ZBTB25: variants seen among roughly 807,000 people sequenced by gnomAD.
ZBTB25 encodes zinc finger and BTB domain-containing protein 25.
Under a neutral mutation model 34.2 loss-of-function variants are expected in ZBTB25, and 20 were observed. The observed-to-expected ratio is 0.58, with a 90% CI of 0.41 to 0.85. The LOEUF is 0.85. Among genes scored for constraint, ZBTB25 ranks in the 40% least tolerant of loss-of-function variants. ZBTB25 has a pLI of 0.00. For synonymous variants in ZBTB25, 175 were observed against 186.4 expected (o/e 0.94, Z 0.50); for missense variants, 437 against 521.8 (o/e 0.84, Z 1.58).
chr14:64,449,190 A>G (rs912638161), exon 3 of ZBTB25: 1 of 536,322 alleles, frequency 1.9e-6, no homozygotes, highest in East Asian at 3.4e-5. Context: ...TCTGAGTCTC[A>G]TAACGTCCCA....
chr14:64,485,817 G>C lies in ZBTB25; in HGVS notation c.*1106C>G. On this transcript the variant is annotated 3_prime_UTR_variant, in exon 3 of 3. Coordinates refer to ENST00000608382, the MANE Select transcript of ZBTB25 (RefSeq NM_006977.5). Reference sequence around the variant, plus strand: ...TCTCTTTCAACTCATGTAAACCTCTGGTCATAAAATCTCAAATTACTTTTT... The same window carrying C: ...TCTCTTTCAACTCATGTAAACCTCTCGTCATAAAATCTCAAATTACTTTTT... The C allele has an allele frequency of 1.0e-6, 1 of 985,188 alleles. No homozygotes were observed. The highest frequency in any genetic ancestry group is 1.7e-5 in the African/African-American group (1 of 57,276). The allele number at this position is 985,188 out of a possible 1,614,324, so 61.0% of individuals were successfully genotyped here.
intron 1 of ZBTB25, among the ~76,000 whole-genome samples, chr14:64,495,466 G>C (rs2079237887): frequency 6.6e-6 from 1 of 152,172 alleles, no homozygotes; most frequent in Non-Finnish European, 1.5e-5. Flanking sequence ...CATGATCACT[G>C]TGAGCTCTGT....
intron 1 of ZBTB25, among the ~76,000 whole-genome samples, chr14:64,491,043 G>T (rs905871638): frequency 6.6e-6 from 1 of 152,212 alleles, no homozygotes; most frequent in Non-Finnish European, 1.5e-5. Context: ...GGATCCTCTG[G>T]TGCTCAGGGG....
rs1596606517 is a variant in ZBTB25 at position 64,484,094 on chromosome 14, A to T, written c.*2829T>A. On this transcript the variant is annotated 3_prime_UTR_variant, in exon 3 of 3. Coordinates refer to ENST00000608382, the MANE Select transcript of ZBTB25 (RefSeq NM_006977.5). ...TATAAAATGAAGTTGATATTTTCCC[A>T]CTTCCTAAACAGAATGAATGTTTTA... 1 of 152,038 alleles carries T rather than the reference A, an allele frequency of 6.6e-6. No homozygotes were observed. Among genetic ancestry groups the T allele is most frequent in the Admixed American group, 6.6e-5 (1 of 15,258 alleles). The allele number at this position is 152,038 out of a possible 1,614,324, so 9.4% of individuals were successfully genotyped here. A position where few individuals can be genotyped will look rare whatever the true frequency, so the allele number is the denominator to read the frequency against.
rs1255033838 is a variant in ZBTB25, at chr14:64,486,378, T to TA, written c.*544dup. 1 of 985,286 alleles carries TA rather than the reference T, an allele frequency of 1.0e-6. No homozygotes were observed. The highest frequency in any genetic ancestry group is 1.2e-6 in the Non-Finnish European group (1 of 829,930). The allele number at this position is 985,286 out of a possible 1,614,324, so 61.0% of individuals were successfully genotyped here. A position where few individuals can be genotyped will look rare whatever the true frequency, so the allele number is the denominator to read the frequency against. On this transcript the variant is annotated 3_prime_UTR_variant, in exon 3 of 3. Coordinates refer to ENST00000608382, the MANE Select transcript of ZBTB25 (RefSeq NM_006977.5). ...GGTAAGATGTTGTGGAGCTAGTAGTTAAAAAATAAAACTACTCATGATTTG... is the reference window on the plus strand; with the variant it reads ...GGTAAGATGTTGTGGAGCTAGTAGTTAAAAAAATAAAACTACTCATGATTTG...
intron 2 of ZBTB25, chr14:64,454,656 G>C (rs1335190207): frequency 7.7e-7 from 1 of 1,290,500 alleles, no homozygotes; most frequent in African/African-American, 1.5e-5. Context: ...TAATCACAGG[G>C]CCCAGATGGT....
chr14:64,486,938 AG>A lies in ZBTB25; in HGVS notation c.1292del (p.Thr431IlefsTer3), dbSNP rs765111745. Reference sequence around the variant, plus strand: ...AGAGAAGCTGCTACTCAACTAGGATAGTATCCACATTTTCTTGTGTGAGCTC... The same window carrying A: ...AGAGAAGCTGCTACTCAACTAGGATATATCCACATTTTCTTGTGTGAGCTC... ...ESELTQENVDTILVE is the reference protein window; with the variant it reads ...ESELTQENVDXILVE On this transcript the variant is annotated frameshift_variant, in exon 3 of 3. Transcript: ENST00000608382. LOFTEE classifies it high-confidence loss of function. 2 of 1,608,016 alleles carry A rather than the reference AG, an allele frequency of 1.2e-6. No homozygotes were observed. The highest frequency in any genetic ancestry group is 1.7e-4 in the Middle Eastern group (1 of 6,042).
At chr14:64,491,273 C>T (rs992223423) in intron 1 of ZBTB25, among the ~76,000 whole-genome samples, 5 of 152,136 alleles carry the variant, frequency 3.3e-5, no homozygotes, top group African/African-American at 9.7e-5. Context: ...GGAGACCAAC[C>T]TGAGCAATAT....
chr14:64,459,332 C>G (rs1196519484), intron 2 of ZBTB25, among the ~76,000 whole-genome samples: 1 of 152,102 alleles, frequency 6.6e-6, no homozygotes, highest in African/African-American at 2.4e-5. Flanking sequence ...GTTACAAATC[C>G]TGTGTGGAAC....
chr14:64,499,624 G>A (rs112126480), intron 1 of ZBTB25: 3,762 of 152,124 alleles, frequency 0.025, 53 homozygotes, highest in Middle Eastern at 0.054. Flanking sequence ...TGGCAGGATG[G>A]GCATGGGTGG....
intron 1 of ZBTB25, among the ~76,000 whole-genome samples, chr14:64,500,454 C>CAAA (rs374975040): frequency 0.025 from 1,299 of 52,006 alleles, 64 homozygotes; most frequent in African/African-American, 0.081. Flanking sequence ...CCCAATAAAG[C>CAAA]AAAAAAAAAA....
intron 2 of ZBTB25, chr14:64,459,918 A>C: frequency 1.0e-5 from 16 of 1,535,478 alleles, no homozygotes; most frequent in Non-Finnish European, 1.4e-5. Flanking sequence ...TTTCAGCCTT[A>C]ATTCTCATCA....
intron 2 of ZBTB25, chr14:64,460,013 G>A: frequency 8.2e-7 from 1 of 1,214,014 alleles, no homozygotes. Context: ...CCATCTTGGT[G>A]TTGCAATATG....
chr14:64,468,656 C>T (rs370872498), intron 2 of ZBTB25: 26 of 1,613,826 alleles, frequency 1.6e-5, no homozygotes, highest in African/African-American at 4.0e-5. Flanking sequence ...TCTTGTAACA[C>T]GCAGGAAAAG....
intron 1 of ZBTB25, among the ~76,000 whole-genome samples, chr14:64,498,291 G>C (rs958676234): frequency 6.6e-6 from 1 of 152,038 alleles, no homozygotes; most frequent in Non-Finnish European, 1.5e-5. Context: ...GAATTGCTAG[G>C]GGTGAGGCAC....
At chr14:64,490,572 G>C (rs1192658345) in intron 1 of ZBTB25, 32 bp from the exon 2 acceptor site, 1 of 1,564,164 alleles carries the variant, frequency 6.4e-7, no homozygotes, top group African/African-American at 1.4e-5. Context: ...ATGTAGATAG[G>C]TGTGTATGTA....
chr14:64,459,469 T>G (rs898174831), intron 2 of ZBTB25, among the ~76,000 whole-genome samples: 1 of 150,682 alleles, frequency 6.6e-6, no homozygotes, highest in African/African-American at 2.4e-5. Flanking sequence ...AAGCAAACTG[T>G]AGTTTGATGC....
At chr14:64,474,605 G>A (rs772656154), downstream of ZBTB25, 7 of 162,482 alleles carry the variant, frequency 4.3e-5, no homozygotes, top group East Asian at 1.9e-4. Context: ...ACTACCAAAA[G>A]TTCTACTCTG....
chr14:64,480,250 G>C lies in ZBTB25; in HGVS notation c.*6673C>G. 3.2e-6 allele frequency: 1 copy of C among 311,578 alleles called. No individual in the cohort carries two copies. Among genetic ancestry groups the C allele is most frequent in the Non-Finnish European group, 6.2e-6 (1 of 161,932 alleles). 19.3% of individuals were successfully genotyped at this position (311,578 alleles called of 1,614,324 possible). A position where few individuals can be genotyped will look rare whatever the true frequency, so the allele number is the denominator to read the frequency against. ...AGGCAGGAGAATAGCTTGAACCTGG[G>C]ATGTGAAGGTTGCAGTGAGCCGAGA... On this transcript the variant is annotated 3_prime_UTR_variant, in exon 3 of 3. Coordinates refer to ENST00000608382, the MANE Select transcript of ZBTB25 (RefSeq NM_006977.5).
Sources: allele counts gnomAD v4.1 joint callset (sites outside exome capture counted in the v4.1 genomes callset), GRCh38; gene constraint gnomAD v4.1.1; transcripts MANE v1.5; gene names NCBI Gene and HGNC (gene_info 2026-07-23, HGNC 2026-07-21).